The following STIL variants were observed in gnomAD, a reference collection of about 807,000 sequenced individuals.
STIL encodes the protein SCL-interrupting locus protein.
In STIL, 55 loss-of-function variants were observed where a neutral mutation model predicts 110.1. The ratio of observed to expected loss-of-function variants is 0.50; its 90% confidence interval spans 0.40 to 0.63. STIL has a LOEUF of 0.63. Ranked by LOEUF, STIL falls within the 20% of genes least tolerant of loss-of-function variation. The pLI is 0.00. For missense variants in STIL, 1,358 were observed against 1,530.0 expected, an observed-to-expected ratio of 0.89 and a Z score of 1.87; for synonymous variants, 481 against 530.0, an observed-to-expected ratio of 0.91 and a Z score of 1.27.
Position 47,256,553 on chromosome 1 carries a change from G to A in STIL, c.3080+3736C>T, listed in dbSNP as rs538745977. ...GAAGAATTGCTTGAACCTGGGGGGCGGAGGTTGCAGTGAGCCAAGATCATG... is the reference window on the plus strand; with the variant it reads ...GAAGAATTGCTTGAACCTGGGGGGCAGAGGTTGCAGTGAGCCAAGATCATG... On this transcript the variant is annotated intron_variant, in intron 16 of 16. Transcript: ENST00000371877. 8.6e-5 allele frequency among the ~76,000 whole-genome samples: 13 copies of A among 150,598 alleles called. No homozygotes were observed. In the East Asian group the frequency reaches 1.7e-3, roughly 20 times the overall value.
intron 16 of STIL, among the ~76,000 whole-genome samples, chr1:47,258,805 GGCTGCAGTGA>G (rs1338562419): frequency 6.6e-6 from 1 of 152,060 alleles, no homozygotes; most frequent in East Asian, 1.9e-4. Context: ...AGGAGGTTGA[GGCTGCAGTGA>G]GCTGTGATCA....
chr1:47,277,398 T>C lies in STIL; in HGVS notation c.2217+2843A>G, dbSNP rs540327399. Among the ~76,000 whole-genome samples the C allele has an allele frequency of 5.9e-5, 9 of 152,280 alleles. 1 individual carries two copies. Among genetic ancestry groups the C allele is most frequent in the African/African-American group, 2.2e-4 (9 of 41,550 alleles). ...TAAAGCATTTGGATTTTATTCTAAT[T>C]GCAATGGAAATCCACTGGAGGATTT... On this transcript the variant is annotated intron_variant, in intron 12 of 16. Transcript: ENST00000371877.
Position 47,289,536 on chromosome 1 carries a change from G to A in STIL, c.922C>T (p.His308Tyr), listed in dbSNP as rs1206252154. Reference protein sequence around the residue: ...NFIIVLYSMTHKEPEFYECFP... With the variant: ...NFIIVLYSMTYKEPEFYECFP... ...CATTCATAAAACTCAGGTTCCTTAT[G>A]TGTCATAGAATAGAGAACTATGATG... The change falls in exon 9 of 17, where the codon CAT becomes TAT. Residue 308 changes from histidine (H) to tyrosine (Y), a missense_variant. Coordinates refer to ENST00000371877, the MANE Select transcript of STIL (RefSeq NM_001048166.1). 6.2e-7 allele frequency: 1 copy of A among 1,613,622 alleles called. No homozygotes were observed. Among genetic ancestry groups the A allele is most frequent in the Non-Finnish European group, 8.5e-7 (1 of 1,179,724 alleles).
At position 47,250,906 on chromosome 1, in the gene STIL, C is replaced by T. The variant is rs1644165774; in HGVS notation, c.*230G>A. 1 of 513,220 alleles carries T rather than the reference C, an allele frequency of 1.9e-6. No individual in the cohort carries two copies. The highest frequency in any genetic ancestry group is 3.4e-6 in the Non-Finnish European group (1 of 291,476). 31.8% of individuals were successfully genotyped at this position (513,220 alleles called of 1,614,324 possible). ...ACTTAAACTTGTAGGAATAACTGAT[C>T]TCAGGGCTTTTCTTAAAGGTTTCAG... On this transcript the variant is annotated 3_prime_UTR_variant, in exon 17 of 17. Transcript: ENST00000371877.
chr1:47,296,000 A>G, intron 6 of STIL, 152 bp from the exon 7 acceptor site: 1 of 627,502 alleles, frequency 1.6e-6, no homozygotes, highest in Non-Finnish European at 2.8e-6. Flanking sequence ...CTTTTTACTG[A>G]CTCAGTAAAA....
rs753344325 is a variant in STIL, at chr1:47,281,232, A to G, written c.1249-23T>C. The G allele has an allele frequency of 5.0e-6, 8 of 1,603,630 alleles. 1 individual carries two copies. The highest frequency in any genetic ancestry group is 6.0e-6 in the Non-Finnish European group (7 of 1,176,302). On this transcript the variant is annotated intron_variant, in intron 11 of 16. Coordinates refer to ENST00000371877, the MANE Select transcript of STIL (RefSeq NM_001048166.1). ...AATCTACAAATAAGAAAGAAATAGA[A>G]AAAAAAAGTATTTTTTTGGAGAAAC... is the stretch of plus-strand genomic sequence containing the variant.
chr1:47,303,430 T>C (rs1418211508), intron 3 of STIL, among the ~76,000 whole-genome samples: 2 of 152,094 alleles, frequency 1.3e-5, no homozygotes, highest in Admixed American at 1.3e-4. Context: ...CCAGGCGTGG[T>C]GGCACATGTC....
Position 47,251,349 on chromosome 1 carries a change from G to GA in STIL, c.3653dup (p.Val1220SerfsTer5), listed in dbSNP as rs774943346. ...GACTTGGTTTAAGGTTCTTTACTAA[G>GA]AAAGCTGGCTTTTCAGTCAACTGCT... On this transcript the variant is annotated frameshift_variant, in exon 17 of 17. Transcript: ENST00000371877. LOFTEE classifies it high-confidence loss of function. 6.2e-7 allele frequency: 1 copy of GA among 1,614,196 alleles called. No individual in the cohort carries two copies. The highest frequency in any genetic ancestry group is 2.2e-5 in the East Asian group (1 of 44,888).
intron 16 of STIL, among the ~76,000 whole-genome samples, chr1:47,256,608 G>A (rs1421210874): frequency 2.3e-5 from 3 of 128,116 alleles, no homozygotes; most frequent in Non-Finnish European, 1.6e-5. Flanking sequence ...GCGACAGAGC[G>A]AGACTCCATC....
In STIL at chr1:47,263,040, T is replaced by C. The variant is rs1294468485; in HGVS notation, c.2692A>G (p.Ser898Gly). ...FPSGQLAESV[S>G]MCLQTGPTGG... ...GTTGGTCCAGTCTGTAAACACATGC[T>C]TACACTTTCTGCCAGCTGGCCACTT... Residue 898 changes from serine (S) to glycine (G), a missense_variant, in exon 15 of 17, where the codon AGC (serine) becomes GGC (glycine). Ser to Gly is a moderately conservative substitution (Grantham distance 56). Transcript: ENST00000371877. 1 of 1,614,194 alleles carries C rather than the reference T, an allele frequency of 6.2e-7. No homozygotes were observed. The highest frequency in any genetic ancestry group is 8.5e-7 in the Non-Finnish European group (1 of 1,180,032).
In STIL at chr1:47,287,539, A is replaced by G. The variant is rs895486711; in HGVS notation, c.1133+12T>C. ...AAAAAAACACACACATAATAACAAA[A>G]AGATCTTTTACCTCTTAATTGAAAA... On this transcript the variant is annotated intron_variant, in intron 10 of 16. Transcript: ENST00000371877. The G allele has an allele frequency of 3.8e-6, 6 of 1,570,928 alleles. No individual in the cohort carries two copies. The African/African-American group carries it at 8.1e-5, about 21-fold the overall frequency.
At chr1:47,304,179 T>C (rs1645887164) in intron 3 of STIL, among the ~76,000 whole-genome samples, 1 of 151,554 alleles carries the variant, frequency 6.6e-6, no homozygotes, top group Non-Finnish European at 1.5e-5. Flanking sequence ...TTTTTTTTTT[T>C]ACTTTTTATT....
chr1:47,300,236 CATAT>C, intron 5 of STIL, 84 bp from the exon 6 acceptor site: 1 of 1,274,844 alleles, frequency 7.8e-7, no homozygotes, highest in Admixed American at 2.3e-5. Flanking sequence ...GATACATATA[CATAT>C]ATAATATCTT....
At chr1:47,256,450 G>A (rs1346104235) in intron 16 of STIL, among the ~76,000 whole-genome samples, 3 of 151,412 alleles carry the variant, frequency 2.0e-5, no homozygotes, top group Non-Finnish European at 2.9e-5. Flanking sequence ...GTGAAACCCC[G>A]TCTCTACTAA....
chr1:47,300,924 A>T (rs2149191794), intron 5 of STIL, among the ~76,000 whole-genome samples: 1 of 152,290 alleles, frequency 6.6e-6, no homozygotes, highest in Non-Finnish European at 1.5e-5. Flanking sequence ...AGGTTAATAC[A>T]TCCCTCTATA....
chr1:47,272,036 T>A, intron 13 of STIL, 40 bp downstream of exon 13: 1 of 1,603,444 alleles, frequency 6.2e-7, no homozygotes, highest in South Asian at 1.1e-5. Flanking sequence ...AAAAGCATTT[T>A]TAACAATTTC....
chr1:47,251,994 T>C (rs1644197665), intron 16 of STIL, 72 bp from the exon 17 acceptor site: 35 of 1,465,572 alleles, frequency 2.4e-5, no homozygotes, highest in Non-Finnish European at 3.2e-5. Flanking sequence ...TGTGTTCCAT[T>C]CTATACAAGC....
In STIL at chr1:47,251,647, G is replaced by T. The variant is rs114431636; in HGVS notation, c.3356C>A (p.Ala1119Glu). Reference protein sequence around the residue: ...SLISPNNMSFATKKYMKRYGL... With the variant: ...SLISPNNMSFETKKYMKRYGL... The stretch of plus-strand genomic sequence containing the variant: ...ATATCTCTTCATATATTTTTTGGTT[G>T]CAAATGACATGTTGTTTGGTGAAAT... Residue 1119 changes from alanine (A) to glutamate (E), a missense_variant, in exon 17 of 17, where the codon GCA (alanine) becomes GAA (glutamate). Physicochemically the swap from Ala to Glu is moderately radical, Grantham distance 107 (BLOSUM62 -1). Transcript: ENST00000371877. 1.1e-5 allele frequency: 18 copies of T among 1,613,728 alleles called. No individual in the cohort carries two copies. Among genetic ancestry groups the T allele is most frequent in the Non-Finnish European group, 1.5e-5 (18 of 1,179,962 alleles).
chr1:47,294,691 T>C (rs1459789963), intron 7 of STIL, among the ~76,000 whole-genome samples: 1 of 152,164 alleles, frequency 6.6e-6, no homozygotes, highest in East Asian at 1.9e-4. Flanking sequence ...TCTCAAAACA[T>C]GTATACATAT....
Sources: gnomAD v4.1 joint callset for allele counts (sites outside exome capture counted in the v4.1 genomes callset) on GRCh38, gnomAD v4.1.1 for gene constraint, MANE v1.5 for transcripts, NCBI Gene and HGNC (gene_info 2026-07-23, HGNC 2026-07-21) for gene names.